The following SCN8A variants were observed in gnomAD, a reference collection of about 807,000 sequenced individuals.
The protein encoded by SCN8A is sodium voltage-gated channel alpha subunit 8.
Under a neutral mutation model 184.1 loss-of-function variants are expected in SCN8A, and 30 were observed. The ratio of observed to expected loss-of-function variants is 0.16; its 90% CI spans 0.12 to 0.22. The LOEUF is 0.22. Among genes scored for constraint, SCN8A ranks in the 10% least tolerant of loss-of-function variants. SCN8A has a pLI of 1.00. For missense variants in SCN8A, 1,057 were observed against 2,498.9 expected (o/e 0.42, Z 12.30); for synonymous variants, 852 against 907.0 (o/e 0.94, Z 1.09).
chr12:51,788,287 C>CTTTTTTTTTTTTTTTTTTTT (rs66672221), intron 22 of SCN8A, among the ~76,000 whole-genome samples: 3 of 84,012 alleles, frequency 3.6e-5, no homozygotes, highest in African/African-American at 1.5e-4. Context: ...CGCTTAACAC[C>CTTTTTTTTTTTTTTTTTTTT]TTTTTTTTTT....
rs760514652 is a variant in SCN8A, at chr12:51,706,568, G to A, written c.1488G>A (p.Lys496=). The A allele has an allele frequency of 6.2e-7, 1 of 1,608,716 alleles. No homozygotes were observed. The highest frequency in any genetic ancestry group is 2.2e-5 in the East Asian group (1 of 44,716). ...CAAAGGAAAGACGTAACAGGAGAAA[G>A]AAGAGGAAGCAAAAGGAACTCTCTG... ...KSAKERRNRR[K]KRKQKELSEG... The change falls in exon 11 of 27, where the codon AAG becomes AAA. Residue 496 remains lysine, a synonymous_variant. Transcript: ENST00000627620.
intron 14 of SCN8A, among the ~76,000 whole-genome samples, chr12:51,752,432 ACAC>A (rs1166724402): frequency 6.6e-6 from 1 of 151,550 alleles, no homozygotes; most frequent in Admixed American, 6.6e-5. Flanking sequence ...ACACACACAC[ACAC>A]CACACACCAC....
At chr12:51,672,081 G>C (rs1301414856) in intron 2 of SCN8A, among the ~76,000 whole-genome samples, 1 of 151,936 alleles carries the variant, frequency 6.6e-6, no homozygotes, top group East Asian at 1.9e-4. Context: ...TGTATTTTCC[G>C]TCTTTCCTCT....
chr12:51,675,549 G>C (rs1941208369), intron 2 of SCN8A, among the ~76,000 whole-genome samples: 3 of 152,146 alleles, frequency 2.0e-5, no homozygotes, highest in Non-Finnish European at 4.4e-5. Flanking sequence ...AGATGACCTG[G>C]TGCAGTAAAA....
rs1941606669 is a variant in SCN8A at position 51,697,055 on chromosome 12, G to GAAAAA, written c.707-2514_707-2510dup. On this transcript the variant is annotated intron_variant, in intron 6 of 26. Coordinates refer to ENST00000627620, the MANE Select transcript of SCN8A (RefSeq NM_001330260.2). ...ATCCGACTCAAAAAAAAAAAAAAAT[G>GAAAAA]AAAAAGAAACACAATAGGTCATAAG... Among the ~76,000 whole-genome samples the GAAAAA allele has an allele frequency of 2.3e-5, 2 of 86,610 alleles. 1 individual carries two copies. The highest frequency in any genetic ancestry group is 8.4e-5 in the African/African-American group (2 of 23,950). 56.8% of individuals were successfully genotyped at this position (86,610 alleles called of 152,430 possible).
At chr12:51,680,420 T>TCCTA (rs1565884711) in intron 2 of SCN8A, among the ~76,000 whole-genome samples, 1 of 152,224 alleles carries the variant, frequency 6.6e-6, no homozygotes, top group East Asian at 1.9e-4. Flanking sequence ...TCATGACTGA[T>TCCTA]CCTAATTCAG....
In SCN8A at chr12:51,639,879, C is replaced by CTTT. The variant is rs71092712; in HGVS notation, c.-54-22849_-54-22847dup. ...AGTATTTTTTGAATTAAGGTATATG[C>CTTT]TTTTTTTTTTTTTTTTTTTTTTTTT... On this transcript the variant is annotated intron_variant, in intron 1 of 26. Coordinates refer to ENST00000627620, the MANE Select transcript of SCN8A (RefSeq NM_001330260.2). Among the ~76,000 whole-genome samples the CTTT allele has an allele frequency of 2.7e-3, 41 of 15,066 alleles. 15 individuals are homozygous for CTTT. The highest frequency in any genetic ancestry group is 6.5e-3 in the East Asian group (2 of 308). 9.9% of individuals were successfully genotyped at this position (15,066 alleles called of 152,430 possible).
chr12:51,744,739 G>A (rs1254014589), intron 12 of SCN8A, among the ~76,000 whole-genome samples: 2 of 151,266 alleles, frequency 1.3e-5, no homozygotes, highest in African/African-American at 4.9e-5. Flanking sequence ...GAAACACTTT[G>A]ATAAGATAAA....
In SCN8A at chr12:51,712,787, C is replaced by T. The variant is rs1592398327; in HGVS notation, c.1635+6072C>T. Reference sequence around the variant, plus strand: ...CCAGGACCACCAGCATAGTTGCCACCGTCACTTCCAAATCCATTATATCCA... The same window carrying T: ...CCAGGACCACCAGCATAGTTGCCACTGTCACTTCCAAATCCATTATATCCA... On this transcript the variant is annotated intron_variant, in intron 11 of 26. Coordinates refer to ENST00000627620, the MANE Select transcript of SCN8A (RefSeq NM_001330260.2). 1.9e-5 allele frequency: 23 copies of T among 1,180,226 alleles called. No homozygotes were observed. In the East Asian group the frequency reaches 4.4e-4, roughly 23 times the overall value. 73.1% of individuals were successfully genotyped at this position (1,180,226 alleles called of 1,614,324 possible).
Position 51,696,805 on chromosome 12 carries a change from C to T in SCN8A, c.707-2765C>T, listed in dbSNP as rs906915034. On this transcript the variant is annotated intron_variant, in intron 6 of 26. Transcript: ENST00000627620. ...CAGCACTTTGGGAGGCCAAGGTGGG[C>T]GGACGACCTGAGGTCAGGGGTTCGA... Among the ~76,000 whole-genome samples the T allele has an allele frequency of 1.3e-4, 19 of 151,572 alleles. No individual in the cohort carries two copies. In the South Asian group the frequency reaches 1.9e-3, roughly 15 times the overall value.
Position 51,708,661 on chromosome 12 carries a change from T to C in SCN8A, c.1635+1946T>C, listed in dbSNP as rs142885941. 9.8e-5 allele frequency among the ~76,000 whole-genome samples: 15 copies of C among 152,318 alleles called. No homozygotes were observed. The East Asian group carries it at 2.7e-3, about 27-fold the overall frequency. ...GGATGAGCAAAATCCCTCATGTCCA[T>C]CCCTTTCTTTCCATTCCTTAACCTT... On this transcript the variant is annotated intron_variant, in intron 11 of 26. Coordinates refer to ENST00000627620, the MANE Select transcript of SCN8A (RefSeq NM_001330260.2).
In SCN8A at chr12:51,788,734, G is replaced by A. The variant is rs751631247; in HGVS notation, c.4267G>A (p.Val1423Ile). 1.9e-6 allele frequency: 3 copies of A among 1,610,206 alleles called. No individual in the cohort carries two copies. The highest frequency in any genetic ancestry group is 2.5e-6 in the Non-Finnish European group (3 of 1,177,954). Residue 1423 changes from valine (V) to isoleucine (I), a missense_variant, in exon 23 of 27, where the codon GTA (valine) becomes ATA (isoleucine). Around this residue, in one of 19 missense-constraint regions of SCN8A, gnomAD observed 37 missense variants for 216.1 expected, o/e 0.17. Transcript: ENST00000627620. ...KGWMDIMYAA[V>I]DSRKPDEQPK... is the part of the protein sequence containing the mutation. Reference sequence around the variant, plus strand: ...CTGGATGGACATCATGTATGCAGCTGTAGATTCCCGGAAGGTAAGGATGTA... The same window carrying A: ...CTGGATGGACATCATGTATGCAGCTATAGATTCCCGGAAGGTAAGGATGTA...
chr12:51,602,925 T>C (rs1176941804), intron 1 of SCN8A, among the ~76,000 whole-genome samples: 1 of 152,208 alleles, frequency 6.6e-6, no homozygotes, highest in East Asian at 1.9e-4. Flanking sequence ...GAATGGCAAA[T>C]ATTATTTTCC....
intron 4 of SCN8A, 24 bp downstream of exon 4, chr12:51,686,481 G>A (rs772125697): frequency 6.8e-7 from 1 of 1,466,176 alleles, no homozygotes; most frequent in South Asian, 1.2e-5. Flanking sequence ...TTATGTGTGT[G>A]CTTGTTTGTT....
intron 12 of SCN8A, among the ~76,000 whole-genome samples, chr12:51,744,602 C>G (rs1221293051): frequency 2.7e-5 from 4 of 149,958 alleles, no homozygotes; most frequent in African/African-American, 1.0e-4. Flanking sequence ...GTGAAACGGT[C>G]TGATGAAACA....
At chr12:51,772,990 G>T (rs1353826110) in intron 19 of SCN8A, among the ~76,000 whole-genome samples, 1 of 152,082 alleles carries the variant, frequency 6.6e-6, no homozygotes, top group East Asian at 1.9e-4. Context: ...GGTGGCATGT[G>T]CCTGTAGTCC....
At chr12:51,693,865 C>A (rs1941550708) in intron 6 of SCN8A, among the ~76,000 whole-genome samples, 1 of 152,134 alleles carries the variant, frequency 6.6e-6, no homozygotes, top group African/African-American at 2.4e-5. Context: ...TGCTTCAAAC[C>A]ACTTAGATTT....
intron 1 of SCN8A, among the ~76,000 whole-genome samples, chr12:51,617,801 G>C (rs535168789): frequency 6.6e-6 from 1 of 152,210 alleles, no homozygotes; most frequent in Admixed American, 6.5e-5. Context: ...CTGTGGGCTG[G>C]GGTCCAAAAT....
chr12:51,734,858 A>G (rs1942299266), intron 12 of SCN8A, among the ~76,000 whole-genome samples: 1 of 152,254 alleles, frequency 6.6e-6, no homozygotes, highest in South Asian at 2.1e-4. Flanking sequence ...TTGAAATCAC[A>G]GAGCTTCCAA....
Sources: allele counts gnomAD v4.1 joint callset (sites outside exome capture counted in the v4.1 genomes callset), GRCh38; gene constraint gnomAD v4.1.1; regional missense constraint gnomAD v4.1.1; transcripts MANE v1.5; gene names NCBI Gene and HGNC (gene_info 2026-07-23, HGNC 2026-07-21).